SNX1: variants seen among roughly 807,000 people sequenced by gnomAD.
The protein encoded by SNX1 is sorting nexin-1.
Under a neutral mutation model 71.8 loss-of-function variants are expected in SNX1, and 36 were observed. The ratio of observed to expected loss-of-function variants is 0.50; its 90% CI spans 0.38 to 0.66. The LOEUF is 0.66. Ranked by LOEUF, SNX1 falls within the 30% of genes least tolerant of loss-of-function variation. The pLI is 0.00. For synonymous variants in SNX1, 254 were observed against 240.7 expected (o/e 1.06, Z -0.51); for missense variants, 612 against 646.7 (o/e 0.95, Z 0.58).
chr15:64,108,122 G>C (rs2081041530), intron 1 of SNX1, among the ~76,000 whole-genome samples: 1 of 151,904 alleles, frequency 6.6e-6, no homozygotes, highest in Non-Finnish European at 1.5e-5. Context: ...GAACCTGGGA[G>C]GCGGAGCTTA....
chr15:64,100,652 A>C (rs2080951293), intron 1 of SNX1, among the ~76,000 whole-genome samples: 1 of 152,030 alleles, frequency 6.6e-6, no homozygotes, highest in South Asian at 2.1e-4. Flanking sequence ...TACTGAAATA[A>C]ATTTGAAGTC....
At chr15:64,098,815 C>G (rs1016183119) in intron 1 of SNX1, among the ~76,000 whole-genome samples, 3 of 152,018 alleles carry the variant, frequency 2.0e-5, no homozygotes, top group Non-Finnish European at 4.4e-5. Context: ...AATCCTTTGC[C>G]TAATTTCCAG....
chr15:64,096,092 G>A lies in SNX1; in HGVS notation c.79G>A (p.Gly27Arg), dbSNP rs1433917082. The change falls in exon 1 of 15, where the codon GGG becomes AGG. Residue 27 changes from glycine (G) to arginine (R), a missense_variant. By Grantham distance (125) the Gly-to-Arg change is moderately radical (BLOSUM62 -2). Around this residue, in one of 2 missense-constraint regions of SNX1, gnomAD observed 316 missense variants for 284.9 expected, o/e 1.11. Coordinates refer to ENST00000559844, the MANE Select transcript of SNX1 (RefSeq NM_003099.5). Reference sequence around the variant, plus strand: ...CCCCGGCCTGGAGCCGGAGTCCGAGGGGGCGGCCGGGGGATCAGAACCCGA... The same window carrying A: ...CCCCGGCCTGGAGCCGGAGTCCGAGAGGGCGGCCGGGGGATCAGAACCCGA... ...PFPGLEPESEGAAGGSEPEAG... is the reference protein window; with the variant it reads ...PFPGLEPESERAAGGSEPEAG... The A allele has an allele frequency of 1.9e-6, 3 of 1,566,632 alleles. No individual in the cohort carries two copies. The highest frequency in any genetic ancestry group is 1.7e-6 in the Non-Finnish European group (2 of 1,158,436).
intron 8 of SNX1, among the ~76,000 whole-genome samples, chr15:64,128,183 G>A (rs888442483): frequency 2.0e-5 from 3 of 152,218 alleles, no homozygotes; most frequent in African/African-American, 4.8e-5. Flanking sequence ...TAGGAAAAGT[G>A]TTGATTGAAG....
At position 64,129,837 on chromosome 15, in the gene SNX1, A is replaced by G. The variant is rs2081288611; in HGVS notation, c.808-79A>G. On this transcript the variant is annotated intron_variant, in intron 8 of 14. Coordinates refer to ENST00000559844, the MANE Select transcript of SNX1 (RefSeq NM_003099.5). The surrounding 1 kb of genome is among the most constrained non-coding windows in gnomAD (Gnocchi z 4.4). ...TTTGTCTGGCAAGTTTTGGCATGCC[A>G]TCTGATGGATACTAATTCTTCTGAA... 2.9e-6 allele frequency: 3 copies of G among 1,035,544 alleles called. No individual in the cohort carries two copies. The highest frequency in any genetic ancestry group is 1.7e-5 in the Admixed American group (1 of 57,716). 64.1% of individuals were successfully genotyped at this position (1,035,544 alleles called of 1,614,324 possible).
intron 2 of SNX1, 111 bp from the exon 3 acceptor site, chr15:64,118,006 T>C: frequency 2.0e-6 from 2 of 994,582 alleles, no homozygotes; most frequent in Middle Eastern, 3.1e-4. Flanking sequence ...TCTAAGAGCC[T>C]CTATGTATTG....
chr15:64,101,327 T>A (rs2080959413), intron 1 of SNX1, among the ~76,000 whole-genome samples: 1 of 152,256 alleles, frequency 6.6e-6, no homozygotes, highest in African/African-American at 2.4e-5. Flanking sequence ...TGTCAATTTG[T>A]CTATTTTTGA....
rs74754593 is a variant in SNX1 at position 64,128,112 on chromosome 15, G to A, written c.807+306G>A. Reference sequence around the variant, plus strand: ...GGTTACTTCTTGGCTCAGATTGAATGTATATTTTATGCCAGGCGGGTCACT... The same window carrying A: ...GGTTACTTCTTGGCTCAGATTGAATATATATTTTATGCCAGGCGGGTCACT... On this transcript the variant is annotated intron_variant, in intron 8 of 14. Transcript: ENST00000559844. 4.7e-3 allele frequency among the ~76,000 whole-genome samples: 722 copies of A among 152,318 alleles called. 2 individuals carry two copies. Among genetic ancestry groups the A allele is most frequent in the African/African-American group, 0.015 (638 of 41,570 alleles).
intron 14 of SNX1, 37 bp from the exon 15 acceptor site, chr15:64,137,531 G>A: frequency 6.2e-7 from 1 of 1,613,450 alleles, no homozygotes; most frequent in South Asian, 1.1e-5. Flanking sequence ...CTGCCACTAG[G>A]TGGGGGCACT....
chr15:64,103,557 G>A (rs2097529317), intron 1 of SNX1, among the ~76,000 whole-genome samples: 1 of 152,190 alleles, frequency 6.6e-6, no homozygotes, highest in Non-Finnish European at 1.5e-5. Context: ...CTATTGGAAT[G>A]ATCTGTTTCT....
chr15:64,137,212 C>T (rs866121051), intron 14 of SNX1, among the ~76,000 whole-genome samples: 2 of 152,242 alleles, frequency 1.3e-5, no homozygotes, highest in South Asian at 4.1e-4. Context: ...GAGGAGCCAC[C>T]CCATGGTACC....
chr15:64,127,091 C>A, intron 6 of SNX1, 83 bp from the exon 7 acceptor site: 1 of 1,047,526 alleles, frequency 9.5e-7, no homozygotes, highest in Non-Finnish European at 1.4e-6. Context: ...ACTGCCTTTC[C>A]TCCTGTTGAC....
rs1157795582 is a variant in SNX1 at position 64,140,758 on chromosome 15, A to T, written c.*3140A>T. The T allele has an allele frequency of 2.0e-5, 3 of 151,956 alleles. No homozygotes were observed. Among genetic ancestry groups the T allele is most frequent in the African/African-American group, 7.3e-5 (3 of 41,356 alleles). The allele number at this position is 151,956 out of a possible 1,614,324, so 9.4% of individuals were successfully genotyped here. ...GCCCCCACACCCAGCTAATTTTTGC[A>T]TTTTTGGTAGAAATGGGGGTTTTAC... On this transcript the variant is annotated 3_prime_UTR_variant, in exon 15 of 15. Coordinates refer to ENST00000559844, the MANE Select transcript of SNX1 (RefSeq NM_003099.5).
intron 9 of SNX1, 91 bp downstream of exon 9, chr15:64,130,120 C>A (rs2081291570): frequency 6.8e-7 from 1 of 1,473,266 alleles, no homozygotes; most frequent in East Asian, 2.3e-5. Context: ...AGATTAGAAA[C>A]TTTTTTATAA....
chr15:64,103,001 A>T (rs1203797958), intron 1 of SNX1, among the ~76,000 whole-genome samples: 1 of 152,024 alleles, frequency 6.6e-6, no homozygotes, highest in East Asian at 1.9e-4. Context: ...TCCTGGGCTC[A>T]AGTGATGTGC....
At chr15:64,124,266 G>A (rs1241920968) in intron 5 of SNX1, among the ~76,000 whole-genome samples, 2 of 149,400 alleles carry the variant, frequency 1.3e-5, no homozygotes, top group Non-Finnish European at 3.0e-5. Context: ...CAGCACTTTG[G>A]GAGGCTGAGA....
rs751162512 is a variant in SNX1, at chr15:64,129,673, C to T, written c.808-243C>T. On this transcript the variant is annotated intron_variant, in intron 8 of 14. Coordinates refer to ENST00000559844, the MANE Select transcript of SNX1 (RefSeq NM_003099.5). This position sits in a 1 kb window ranked among gnomAD's most constrained non-coding sequence, Gnocchi z 4.4. ...TCACCTGGCCACGTAACACCCCAGT[C>T]TACTTTTTTTCTGTATAAAATATCA... Among the ~76,000 whole-genome samples, 1 of 152,200 alleles carries T rather than the reference C, an allele frequency of 6.6e-6. No individual in the cohort carries two copies. Among genetic ancestry groups the T allele is most frequent in the Non-Finnish European group, 1.5e-5 (1 of 68,038 alleles).
Position 64,112,644 on chromosome 15 carries a change from C to G in SNX1, c.231C>G (p.Ile77Met). Residue 77 changes from isoleucine to methionine, a missense_variant, in exon 2 of 15, where the codon ATC becomes ATG. This residue lies in a region of SNX1 where 316 missense variants were observed against 284.9 expected (regional missense o/e 1.11). Transcript: ENST00000559844. ...PINNGSKENG[I>M]HEEQDQEPQD... ...ACAATGGCTCCAAAGAAAATGGGATCCATGAAGAACAAGACCAAGAGCCAC... is the reference window on the plus strand; with the variant it reads ...ACAATGGCTCCAAAGAAAATGGGATGCATGAAGAACAAGACCAAGAGCCAC... 6.2e-7 allele frequency: 1 copy of G among 1,613,372 alleles called. No homozygotes were observed. Among genetic ancestry groups the G allele is most frequent in the South Asian group, 1.1e-5 (1 of 90,976 alleles).
intron 1 of SNX1, among the ~76,000 whole-genome samples, chr15:64,096,585 A>T (rs558992076): frequency 6.6e-6 from 1 of 152,292 alleles, no homozygotes; most frequent in South Asian, 2.1e-4. Flanking sequence ...CGTTATGTGG[A>T]CTAGCCTGGG....
Sources: gnomAD v4.1 joint callset for allele counts (sites outside exome capture counted in the v4.1 genomes callset) on GRCh38, gnomAD v4.1.1 for gene constraint, gnomAD v4.1.1 regional missense constraint, Gnocchi (gnomAD v3.1) non-coding constraint, MANE v1.5 for transcripts, NCBI Gene and HGNC (gene_info 2026-07-23, HGNC 2026-07-21) for gene names.